NUP98: variants seen among roughly 807,000 people sequenced by gnomAD.
The protein encoded by NUP98 is nucleoporin 98 and 96 precursor.
Under a neutral mutation model 191.9 loss-of-function variants are expected in NUP98, and 26 were observed. The ratio of observed to expected loss-of-function variants is 0.14; its 90% CI spans 0.10 to 0.19. NUP98 has a LOEUF of 0.19. Ranked by LOEUF, NUP98 falls within the 10% of genes least tolerant of loss-of-function variation. The pLI, the probability that NUP98 is intolerant of heterozygous loss-of-function variation, is 1.00. For synonymous variants in NUP98, 808 were observed against 778.4 expected, an observed-to-expected ratio of 1.04 and a Z score of -0.63; for missense variants, 1,941 against 2,178.8, an observed-to-expected ratio of 0.89 and a Z score of 2.17.
intron 1 of NUP98, among the ~76,000 whole-genome samples, chr11:3,786,898 G>A (rs576738320): frequency 4.6e-5 from 7 of 152,306 alleles, no homozygotes; most frequent in Admixed American, 1.3e-4. Flanking sequence ...AGACGTAAAT[G>A]GGAAGTAGTT....
intron 1 of NUP98, among the ~76,000 whole-genome samples, chr11:3,784,281 A>C (rs1375165514): frequency 1.3e-5 from 2 of 152,218 alleles, no homozygotes; most frequent in Admixed American, 6.5e-5. Flanking sequence ...CTGTCCCTTA[A>C]ATAAATGCTT....
At position 3,723,491 on chromosome 11, in the gene NUP98, T is replaced by C. The variant is rs1202274625; in HGVS notation, c.1848-36A>G. 3.2e-6 allele frequency: 5 copies of C among 1,560,498 alleles called. No homozygotes were observed. The Admixed American group carries it at 5.1e-5, about 16-fold the overall frequency. ...AAAGAAATAATACCTTAGCCTCTTG[T>C]AGTAGTAATAACAATGATAATAGCT... On this transcript the variant is annotated intron_variant, in intron 15 of 32. Coordinates refer to ENST00000324932, the MANE Select transcript of NUP98 (RefSeq NM_016320.5).
intron 26 of NUP98, among the ~76,000 whole-genome samples, chr11:3,694,332 C>T (rs2078428157): frequency 6.6e-6 from 1 of 151,680 alleles, no homozygotes; most frequent in Non-Finnish European, 1.5e-5. Flanking sequence ...GATTGTGCCA[C>T]TCACTCCAGC....
At chr11:3,727,333 G>C (rs978484112) in intron 14 of NUP98, among the ~76,000 whole-genome samples, 5 of 152,024 alleles carry the variant, frequency 3.3e-5, no homozygotes, top group African/African-American at 9.7e-5. Context: ...GGTGAGGGTG[G>C]GGGGCAGTGT....
At chr11:3,792,954 A>G (rs912045796) in intron 1 of NUP98, among the ~76,000 whole-genome samples, 34 of 151,874 alleles carry the variant, frequency 2.2e-4, no homozygotes, top group African/African-American at 7.7e-4. Context: ...TACTAAAAAT[A>G]CAAAAAATTA....
intron 28 of NUP98, among the ~76,000 whole-genome samples, chr11:3,688,665 C>T (rs942091880): frequency 4.0e-5 from 6 of 149,590 alleles, no homozygotes; most frequent in Non-Finnish European, 7.4e-5. Flanking sequence ...CTTTGTGGCG[C>T]ATGCCTGTAA....
intron 15 of NUP98, among the ~76,000 whole-genome samples, chr11:3,724,296 G>A (rs572938022): frequency 2.0e-5 from 3 of 151,848 alleles, no homozygotes; most frequent in South Asian, 2.1e-4. Flanking sequence ...TTAGCTGGGC[G>A]TGGAGGTGCA....
intron 20 of NUP98, among the ~76,000 whole-genome samples, chr11:3,710,651 C>T (rs1233911723): frequency 1.3e-5 from 2 of 152,168 alleles, no homozygotes; most frequent in African/African-American, 4.8e-5. Flanking sequence ...TTCCAGTATA[C>T]TCAAACGGCA....
intron 1 of NUP98, among the ~76,000 whole-genome samples, chr11:3,791,741 G>A (rs912279746): frequency 9.2e-5 from 14 of 151,490 alleles, no homozygotes; most frequent in African/African-American, 2.4e-4. Context: ...TACTCAGGAG[G>A]CTGAGGCAGG....
intron 6 of NUP98, among the ~76,000 whole-genome samples, chr11:3,772,909 T>G (rs1057167978): frequency 6.7e-6 from 1 of 149,900 alleles, no homozygotes; most frequent in African/African-American, 2.5e-5. Context: ...ACCTAGGAGG[T>G]GGAGGTTGTA....
chr11:3,789,431 A>G (rs1303065027), intron 1 of NUP98, among the ~76,000 whole-genome samples: 1 of 150,794 alleles, frequency 6.6e-6, no homozygotes, highest in Non-Finnish European at 1.5e-5. Context: ...AACCTCTTCC[A>G]TCTATCTCAC....
At position 3,699,222 on chromosome 11, in the gene NUP98, G is replaced by A. The variant is rs140389887; in HGVS notation, c.3869C>T (p.Ser1290Phe). The A allele has an allele frequency of 1.2e-6, 2 of 1,614,200 alleles. No homozygotes were observed. Among genetic ancestry groups the A allele is most frequent in the Non-Finnish European group, 1.7e-6 (2 of 1,180,046 alleles). Residue 1290 changes from serine (S) to phenylalanine (F), a missense_variant, in exon 25 of 33, where the codon TCC becomes TTC. Ser to Phe is a radical substitution (Grantham distance 155). Coordinates refer to ENST00000324932, the MANE Select transcript of NUP98 (RefSeq NM_016320.5). ...IQILERRRAF[S>F]RWLSCTATPQ... ...TGTGGCAGTACAGGATAGCCAGCGG[G>A]AGAAAGCTCTTCTTCGCTCCAGAAT...
At chr11:3,720,667 G>A in intron 17 of NUP98, 45 bp downstream of exon 17, 1 of 1,030,344 alleles carries the variant, frequency 9.7e-7, no homozygotes, top group Non-Finnish European at 1.5e-6. Context: ...CAAAAATAAG[G>A]TGCAACTCTC....
chr11:3,749,355 A>G (rs1195187623), intron 11 of NUP98, among the ~76,000 whole-genome samples: 1 of 138,676 alleles, frequency 7.2e-6, no homozygotes, highest in East Asian at 2.3e-4. Flanking sequence ...CCGGGCACAG[A>G]GGCTCACGCC....
chr11:3,750,639 T>C (rs760904231), intron 11 of NUP98, among the ~76,000 whole-genome samples: 4 of 150,610 alleles, frequency 2.7e-5, no homozygotes, highest in African/African-American at 4.8e-5. Context: ...TTTTTGTTTT[T>C]TGTTTTAGGA....
chr11:3,715,956 T>C (rs1363780914), intron 18 of NUP98, among the ~76,000 whole-genome samples: 1 of 152,198 alleles, frequency 6.6e-6, no homozygotes, highest in African/African-American at 2.4e-5. Context: ...TGCTGTTGAA[T>C]TGCAGGATTC....
intron 12 of NUP98, 22 bp from the exon 13 acceptor site, chr11:3,735,346 AAC>A: frequency 7.6e-7 from 1 of 1,308,168 alleles, no homozygotes; most frequent in Non-Finnish European, 1.0e-6. Flanking sequence ...AAAAAAAGAA[AAC>A]AAAATATATA....
intron 21 of NUP98, 42 bp downstream of exon 21, chr11:3,706,403 A>T (rs2078861706): frequency 7.0e-6 from 11 of 1,573,780 alleles, no homozygotes; most frequent in South Asian, 1.1e-5. Flanking sequence ...ATAAAATATT[A>T]GTTTGGCTTT....
intron 11 of NUP98, among the ~76,000 whole-genome samples, chr11:3,749,782 G>T (rs1041724633): frequency 4.0e-5 from 6 of 151,502 alleles, no homozygotes; most frequent in African/African-American, 1.5e-4. Context: ...TAATCAGTGA[G>T]GTGCAAACTG....
Sources: gnomAD v4.1 joint callset for allele counts (sites outside exome capture counted in the v4.1 genomes callset) on GRCh38, gnomAD v4.1.1 for gene constraint, MANE v1.5 for transcripts, NCBI Gene and HGNC (gene_info 2026-07-23, HGNC 2026-07-21) for gene names.